PTPRD: variants seen among roughly 807,000 people sequenced by gnomAD.
PTPRD encodes the protein receptor-type tyrosine-protein phosphatase delta.
PTPRD carries 34 observed loss-of-function variants against 214.5 expected under a neutral mutation model. The observed-to-expected ratio is 0.16, with a 90% CI of 0.12 to 0.21. PTPRD has a LOEUF of 0.21. PTPRD is among the 10% of genes least tolerant of loss of function. The probability of loss-of-function intolerance (pLI) is 1.00; values close to 1 mark genes in which losing one functional copy is unlikely to be tolerated. For synonymous variants in PTPRD, 1,128 were observed against 845.7 expected, an observed-to-expected ratio of 1.33 and a Z score of -5.79; for missense variants, 2,545 against 2,398.7, an observed-to-expected ratio of 1.06 and a Z score of -1.27.
intron 3 of PTPRD, among the ~76,000 whole-genome samples, chr9:10,151,141 A>G (rs1366921616): frequency 6.7e-6 from 1 of 148,906 alleles, no homozygotes; most frequent in Non-Finnish European, 1.5e-5. Flanking sequence ...GCTCACTGTA[A>G]CATTTGCCTC....
chr9:8,928,299 T>C (rs1030202165), intron 11 of PTPRD, among the ~76,000 whole-genome samples: 2 of 152,162 alleles, frequency 1.3e-5, no homozygotes, highest in African/African-American at 4.8e-5. Flanking sequence ...CTGAAAAGGA[T>C]TGCCTAGGTT....
chr9:10,113,124 T>C (rs2098705071), intron 3 of PTPRD, among the ~76,000 whole-genome samples: 1 of 152,168 alleles, frequency 6.6e-6, no homozygotes, highest in African/African-American at 2.4e-5. Flanking sequence ...TCAGCAGCGT[T>C]TTGAGAGGAT....
intron 5 of PTPRD, among the ~76,000 whole-genome samples, chr9:9,791,099 C>A (rs567629798): frequency 9.2e-5 from 14 of 152,154 alleles, no homozygotes; most frequent in Non-Finnish European, 1.3e-4. Context: ...AATTTTGTTA[C>A]AGATTTTTTT....
chr9:10,104,878 G>A (rs1332227756), intron 3 of PTPRD, among the ~76,000 whole-genome samples: 3 of 151,770 alleles, frequency 2.0e-5, no homozygotes, highest in Non-Finnish European at 4.4e-5. Context: ...GTCTCCTGTC[G>A]TGTTTCCTGC....
intron 11 of PTPRD, among the ~76,000 whole-genome samples, chr9:8,798,200 C>T (rs2154515962): frequency 6.6e-6 from 1 of 151,952 alleles, no homozygotes; most frequent in Non-Finnish European, 1.5e-5. Flanking sequence ...GTCTCTTTTC[C>T]CAATCAAGTC....
At chr9:10,088,486 T>C (rs1258268992) in intron 3 of PTPRD, among the ~76,000 whole-genome samples, 2 of 151,728 alleles carry the variant, frequency 1.3e-5, no homozygotes, top group African/African-American at 4.8e-5. Flanking sequence ...ACTCTTCAAG[T>C]ATAAAGATGA....
intron 3 of PTPRD, among the ~76,000 whole-genome samples, chr9:10,125,273 C>T (rs568641570): frequency 5.2e-4 from 79 of 152,004 alleles, no homozygotes; most frequent in Non-Finnish European, 1.2e-4. Flanking sequence ...CACATTATTG[C>T]CTCATACTCC....
chr9:9,672,133 C>A (rs1404656628), intron 7 of PTPRD, among the ~76,000 whole-genome samples: 1 of 152,034 alleles, frequency 6.6e-6, no homozygotes, highest in Non-Finnish European at 1.5e-5. Context: ...GAGTCTGCAG[C>A]ATAAAGCAAG....
intron 10 of PTPRD, among the ~76,000 whole-genome samples, chr9:9,041,755 A>G (rs1431041597): frequency 6.6e-6 from 1 of 152,182 alleles, no homozygotes; most frequent in African/African-American, 2.4e-5. Flanking sequence ...CATGATCCAA[A>G]TGGAGTACAT....
In PTPRD at chr9:9,900,641, G is replaced by GTTTGGTTTTTTTTTTT. The variant is rs1555302233; in HGVS notation, c.-368+37865_-368+37866insAAAAAAAAAAACCAAA. Among the ~76,000 whole-genome samples, 371 of 120,042 alleles carry GTTTGGTTTTTTTTTTT rather than the reference G, an allele frequency of 3.1e-3. 6 individuals are homozygous for GTTTGGTTTTTTTTTTT. Among genetic ancestry groups the GTTTGGTTTTTTTTTTT allele is most frequent in the African/African-American group, 0.011 (351 of 32,036 alleles). The allele number at this position is 120,042 out of a possible 152,430, so 78.8% of individuals were successfully genotyped here. On this transcript the variant is annotated intron_variant, in intron 5 of 45. Coordinates refer to ENST00000381196, the MANE Select transcript of PTPRD (RefSeq NM_002839.4). ...TCCAAAGGTGCTTCCACATTTTCAGGTTTTTTTTTTTTTTGAGATGGAGTC... is the reference window on the plus strand; with the variant it reads ...TCCAAAGGTGCTTCCACATTTTCAGGTTTGGTTTTTTTTTTTTTTTTTTTTTTTTTGAGATGGAGTC...
In PTPRD at chr9:8,918,636, T is replaced by C. The variant is rs74415066; in HGVS notation, c.-104+100061A>G. ...CTTGTAGCCTATGTTAGAAAACATA[T>C]TGCACACTTTCCTTCTCTGGATGCA... On this transcript the variant is annotated intron_variant, in intron 11 of 45. Transcript: ENST00000381196. Among the ~76,000 whole-genome samples, 132 of 152,252 alleles carry C rather than the reference T, an allele frequency of 8.7e-4. 1 individual carries two copies. Among genetic ancestry groups the C allele is most frequent in the African/African-American group, 3.1e-3 (130 of 41,544 alleles).
chr9:9,974,590 C>A (rs548078916), intron 4 of PTPRD, among the ~76,000 whole-genome samples: 14 of 152,282 alleles, frequency 9.2e-5, no homozygotes, highest in Non-Finnish European at 1.3e-4. Context: ...AATTACCCCA[C>A]TAATTTCCGG....
At chr9:9,406,537 C>T (rs1053774039) in intron 8 of PTPRD, among the ~76,000 whole-genome samples, 3 of 151,846 alleles carry the variant, frequency 2.0e-5, no homozygotes, top group Non-Finnish European at 4.4e-5. Context: ...ACTCATTTAT[C>T]CACTGTAGAT....
intron 2 of PTPRD, among the ~76,000 whole-genome samples, chr9:10,437,273 A>G (rs755601991): frequency 5.9e-5 from 9 of 151,874 alleles, no homozygotes; most frequent in Non-Finnish European, 8.8e-5. Flanking sequence ...TTCAAAAACT[A>G]TAAACCAGCT....
chr9:8,578,106 A>C (rs2092660159), intron 14 of PTPRD, among the ~76,000 whole-genome samples: 1 of 152,220 alleles, frequency 6.6e-6, no homozygotes, highest in South Asian at 2.1e-4. Flanking sequence ...GATTCTTAGC[A>C]TGCTATCGGT....
At chr9:9,363,921 A>T (rs1189036271) in intron 9 of PTPRD, among the ~76,000 whole-genome samples, 1 of 151,452 alleles carries the variant, frequency 6.6e-6, no homozygotes, top group Admixed American at 6.6e-5. Flanking sequence ...TAATGAAATT[A>T]TAAAAAAGTG....
chr9:10,109,936 T>C (rs561641451), intron 3 of PTPRD, among the ~76,000 whole-genome samples: 70 of 151,968 alleles, frequency 4.6e-4, no homozygotes, highest in Middle Eastern at 3.4e-3. Context: ...TTCAGCTGTT[T>C]CCTGATATAT....
intron 3 of PTPRD, among the ~76,000 whole-genome samples, chr9:10,232,955 C>T (rs895340519): frequency 1.3e-5 from 2 of 151,914 alleles, no homozygotes; most frequent in Non-Finnish European, 2.9e-5. Flanking sequence ...ATTTTATCCA[C>T]TGAAAAAGGG....
chr9:10,361,275 T>C (rs2097383969), intron 2 of PTPRD, among the ~76,000 whole-genome samples: 1 of 152,196 alleles, frequency 6.6e-6, no homozygotes, highest in Non-Finnish European at 1.5e-5. Context: ...TCTCATGTCA[T>C]GGAGCTTCTT....
Sources: allele counts gnomAD v4.1 joint callset (sites outside exome capture counted in the v4.1 genomes callset), GRCh38; gene constraint gnomAD v4.1.1; transcripts MANE v1.5; gene names NCBI Gene and HGNC (gene_info 2026-07-23, HGNC 2026-07-21).